CORIN: variants seen among roughly 807,000 people sequenced by gnomAD.
The protein encoded by CORIN is corin, serine peptidase.
CORIN carries 117 observed loss-of-function variants against 125.3 expected under a neutral mutation model. The observed-to-expected ratio is 0.93, with a 90% CI of 0.80 to 1.09. CORIN has a LOEUF of 1.09. Ranked by LOEUF, CORIN falls within the 50% of genes least tolerant of loss-of-function variation. The probability of loss-of-function intolerance (pLI) is 0.00; values close to 1 mark genes in which losing one functional copy is unlikely to be tolerated. For missense variants in CORIN, 1,253 were observed against 1,306.7 expected, an observed-to-expected ratio of 0.96 and a Z score of 0.63; for synonymous variants, 450 against 466.4, an observed-to-expected ratio of 0.96 and a Z score of 0.45.
chr4:47,647,471 G>A (rs922398750), intron 13 of CORIN, among the ~76,000 whole-genome samples: 3 of 152,078 alleles, frequency 2.0e-5, no homozygotes, highest in Admixed American at 6.5e-5. Context: ...CACAGAAATA[G>A]ATCATCTGGG....
chr4:47,828,954 C>T (rs879529009), intron 1 of CORIN, among the ~76,000 whole-genome samples: 54 of 151,908 alleles, frequency 3.6e-4, no homozygotes, highest in African/African-American at 1.3e-3. Context: ...GTCAGGAGAT[C>T]GAGACCATCT....
At chr4:47,680,086 C>A in intron 8 of CORIN, 55 bp downstream of exon 8, 1 of 1,139,742 alleles carries the variant, frequency 8.8e-7, no homozygotes, top group South Asian at 1.3e-5. Context: ...TTGAGTACAG[C>A]CTAAAGAACC....
intron 10 of CORIN, among the ~76,000 whole-genome samples, chr4:47,670,957 T>C (rs1023745738): frequency 2.0e-5 from 3 of 152,236 alleles, no homozygotes; most frequent in African/African-American, 7.2e-5. Flanking sequence ...ATGTGGTTTT[T>C]AGGCTTTTTA....
At chr4:47,650,094 G>A (rs567007689) in intron 13 of CORIN, among the ~76,000 whole-genome samples, 11 of 152,344 alleles carry the variant, frequency 7.2e-5, no homozygotes, top group Non-Finnish European at 1.5e-4. Context: ...ATCAGAGTCA[G>A]ATCTTCTAAT....
chr4:47,674,513 G>A lies in CORIN; in HGVS notation c.1250-13C>T. The A allele has an allele frequency of 6.6e-7, 1 of 1,522,778 alleles. No homozygotes were observed. Among genetic ancestry groups the A allele is most frequent in the South Asian group, 1.1e-5 (1 of 89,290 alleles). The allele number at this position is 1,522,778 out of a possible 1,614,324, so 94.3% of individuals were successfully genotyped here. On this transcript the variant is annotated splice_polypyrimidine_tract_variant and intron_variant, in intron 9 of 21. Coordinates refer to ENST00000273857, the MANE Select transcript of CORIN (RefSeq NM_006587.4). ...CATGAAGTCTGAACTACAGAGGGAG[G>A]AAAAGGCACATTGGCTTTCATCATC...
chr4:47,700,758 G>A (rs984394947), intron 5 of CORIN, among the ~76,000 whole-genome samples: 1 of 152,116 alleles, frequency 6.6e-6, no homozygotes, highest in African/African-American at 2.4e-5. Context: ...CTACAAGCAC[G>A]TGAGCACTGG....
rs1491004947 is a variant in CORIN at position 47,597,366 on chromosome 4, AAG to A, written c.2947-1465_2947-1464del. Among the ~76,000 whole-genome samples, 122 of 144,996 alleles carry A rather than the reference AAG, an allele frequency of 8.4e-4. 1 individual carries two copies. The highest frequency in any genetic ancestry group is 7.9e-3 in the South Asian group (36 of 4,536). On this transcript the variant is annotated intron_variant, in intron 21 of 21. Coordinates refer to ENST00000273857, the MANE Select transcript of CORIN (RefSeq NM_006587.4). ...AACTCCATCTCAAAAAAAAAAAAAA[AAG>A]AAGAAGAAAGAGATTAAAATTTTGA...
intron 1 of CORIN, among the ~76,000 whole-genome samples, chr4:47,833,521 C>CAAAAAAAAAAAAAAAAA (rs75657429): frequency 8.7e-6 from 1 of 115,042 alleles, no homozygotes. Context: ...AAAGCATAGG[C>CAAAAAAAAAAAAAAAAA]AAAAAAAAAA....
intron 5 of CORIN, chr4:47,706,933 T>A: frequency 1.3e-6 from 2 of 1,599,740 alleles, no homozygotes; most frequent in Non-Finnish European, 1.7e-6. Flanking sequence ...TTTGTGGTTC[T>A]CGCCGGGCAG....
chr4:47,734,414 T>G (rs1728028865), intron 5 of CORIN, among the ~76,000 whole-genome samples: 3 of 152,230 alleles, frequency 2.0e-5, no homozygotes, highest in Non-Finnish European at 2.9e-5. Context: ...CCAGAACACC[T>G]TCTTCCGTCC....
At chr4:47,768,372 G>C (rs888583302) in intron 3 of CORIN, among the ~76,000 whole-genome samples, 3 of 152,136 alleles carry the variant, frequency 2.0e-5, no homozygotes, top group Non-Finnish European at 4.4e-5. Context: ...AGGACCTGAC[G>C]TCTTCACTAT....
intron 16 of CORIN, 106 bp downstream of exon 16, chr4:47,641,813 CT>C: frequency 7.3e-7 from 1 of 1,370,548 alleles, no homozygotes. Context: ...TTGAAGGACT[CT>C]TTGTTTGAGA....
At chr4:47,596,032 T>G in intron 21 of CORIN, 129 bp from the exon 22 acceptor site, 1 of 618,060 alleles carries the variant, frequency 1.6e-6, no homozygotes, top group Non-Finnish European at 2.6e-6. Context: ...AAAGCTTTCC[T>G]TGTCAGCCTG....
chr4:47,812,610 T>C (rs1428456936), intron 1 of CORIN, among the ~76,000 whole-genome samples: 1 of 152,206 alleles, frequency 6.6e-6, no homozygotes, highest in Non-Finnish European at 1.5e-5. Flanking sequence ...CATCATAGAC[T>C]ATAGGAACCA....
chr4:47,631,640 T>C (rs1722810436), intron 16 of CORIN, among the ~76,000 whole-genome samples: 2 of 152,164 alleles, frequency 1.3e-5, no homozygotes. Flanking sequence ...AAATGTAACG[T>C]GCTTGAATCA....
Position 47,595,775 on chromosome 4 carries a change from A to G in CORIN, c.3075T>C (p.Tyr1025=). 6.2e-7 allele frequency: 1 copy of G among 1,613,430 alleles called. No individual in the cohort carries two copies. Among genetic ancestry groups the G allele is most frequent in the Non-Finnish European group, 8.5e-7 (1 of 1,179,730 alleles). Residue 1025 remains tyrosine, a synonymous_variant, in exon 22 of 22, where the codon TAT becomes TAC. Coordinates refer to ENST00000273857, the MANE Select transcript of CORIN (RefSeq NM_006587.4). ...LGPGVYSNVS[Y]FVEWIKRQIY... Reference sequence around the variant, plus strand: ...TCTGTCTTTTAATCCATTCGACGAAATATGACACATTACTATAAACGCCAG... The same window carrying G: ...TCTGTCTTTTAATCCATTCGACGAAGTATGACACATTACTATAAACGCCAG...
chr4:47,785,254 T>C (rs1361833633), intron 3 of CORIN, among the ~76,000 whole-genome samples: 1 of 152,218 alleles, frequency 6.6e-6, no homozygotes, highest in African/African-American at 2.4e-5. Flanking sequence ...TTAGCATTGG[T>C]TGTATCACAC....
At chr4:47,625,793 A>C (rs1472312885) in intron 17 of CORIN, among the ~76,000 whole-genome samples, 1 of 152,164 alleles carries the variant, frequency 6.6e-6, no homozygotes, top group African/African-American at 2.4e-5. Flanking sequence ...CATGGTTCAC[A>C]AATCTATTAT....
At chr4:47,750,505 G>C (rs1728849688) in intron 4 of CORIN, among the ~76,000 whole-genome samples, 2 of 152,188 alleles carry the variant, frequency 1.3e-5, no homozygotes, top group Admixed American at 6.5e-5. Flanking sequence ...GAAGGAAAAG[G>C]TACAGGCAGG....
Sources: allele counts gnomAD v4.1 joint callset (sites outside exome capture counted in the v4.1 genomes callset), GRCh38; gene constraint gnomAD v4.1.1; transcripts MANE v1.5; gene names NCBI Gene and HGNC (gene_info 2026-07-23, HGNC 2026-07-21).